The following ASTN2 variants were observed in gnomAD, a reference collection of about 807,000 sequenced individuals.
ASTN2 encodes astrotactin-2.
A neutral mutation model predicts 139.8 loss-of-function variants in ASTN2; 54 were observed. That is an observed-to-expected ratio of 0.39 (90% CI 0.31 to 0.48). The LOEUF (loss-of-function observed/expected upper bound fraction) is 0.48. ASTN2 is among the 20% of genes least tolerant of loss of function. ASTN2 has a pLI of 0.95. For missense variants in ASTN2, 1,565 were observed against 1,725.1 expected (o/e 0.91, Z 1.64); for synonymous variants, 756 against 719.5 (o/e 1.05, Z -0.81).
At chr9:116,563,707 A>G (rs1227444620) in intron 19 of ASTN2, among the ~76,000 whole-genome samples, 1 of 152,046 alleles carries the variant, frequency 6.6e-6, no homozygotes, top group African/African-American at 2.4e-5. Context: ...AATTATCAAC[A>G]TCTGATAAAA....
At position 117,016,637 on chromosome 9, in the gene ASTN2, TA is replaced by T. The variant is rs1564385947; in HGVS notation, c.1424-8379del. On this transcript the variant is annotated intron_variant, in intron 6 of 22. Coordinates refer to ENST00000313400, the MANE Select transcript of ASTN2 (RefSeq NM_001365068.1). ...ATATCTATCTATCTATATATATATA[TA>T]TATATATATATATATATAACCTATA... is the stretch of plus-strand genomic sequence containing the variant. Among the ~76,000 whole-genome samples, 114 of 23,014 alleles carry T rather than the reference TA, an allele frequency of 5.0e-3. 12 individuals carry two copies. Among genetic ancestry groups the T allele is most frequent in the Admixed American group, 0.01 (16 of 1,550 alleles). The allele number at this position is 23,014 out of a possible 152,430, so 15.1% of individuals were successfully genotyped here.
chr9:117,200,072 TTA>T (rs1831652540), intron 3 of ASTN2, among the ~76,000 whole-genome samples: 1 of 150,272 alleles, frequency 6.7e-6, no homozygotes, highest in Non-Finnish European at 1.5e-5. Flanking sequence ...TTTATTATTA[TTA>T]TTTTTTAAAT....
intron 16 of ASTN2, among the ~76,000 whole-genome samples, chr9:116,696,761 T>C (rs1860875652): frequency 6.6e-6 from 1 of 152,160 alleles, no homozygotes; most frequent in South Asian, 2.1e-4. Flanking sequence ...CTCTTGTATC[T>C]AGTACAGAAC....
chr9:116,621,495 T>A (rs1173437915), intron 17 of ASTN2, among the ~76,000 whole-genome samples: 3 of 152,044 alleles, frequency 2.0e-5, no homozygotes, highest in Non-Finnish European at 4.4e-5. Context: ...TATTCCCCTC[T>A]CTGCACTCCA....
intron 19 of ASTN2, among the ~76,000 whole-genome samples, chr9:116,538,342 G>A (rs542471505): frequency 3.9e-5 from 6 of 152,108 alleles, no homozygotes; most frequent in Non-Finnish European, 7.4e-5. Context: ...GGAAAGAAGC[G>A]AGGAAGAAAG....
At chr9:116,691,810 T>G (rs548061497) in intron 16 of ASTN2, among the ~76,000 whole-genome samples, 1 of 152,320 alleles carries the variant, frequency 6.6e-6, no homozygotes, top group South Asian at 2.1e-4. Flanking sequence ...AGTGATAGTT[T>G]TGCACTTGAT....
At chr9:116,487,308 T>C in intron 20 of ASTN2, 51 bp downstream of exon 20, 1 of 1,603,244 alleles carries the variant, frequency 6.2e-7, no homozygotes, top group African/African-American at 1.3e-5. Flanking sequence ...CCTCTTAGGC[T>C]TAAAATCATC....
At chr9:116,704,478 T>G (rs2840224) in intron 16 of ASTN2, among the ~76,000 whole-genome samples, 635 of 152,332 alleles carry the variant, frequency 4.2e-3, no homozygotes, top group Non-Finnish European at 7.2e-3. Flanking sequence ...AATGACAGTT[T>G]ATGTTTTAAA....
At position 117,081,810 on chromosome 9, in the gene ASTN2, C is replaced by A. The variant is rs186659608; in HGVS notation, c.1276+14234G>T. On this transcript the variant is annotated intron_variant, in intron 5 of 22. Transcript: ENST00000313400. Reference sequence around the variant, plus strand: ...CAGAGCGGCCTCTAAAATCTGAGAACGGTCCCTGCTGACAGCTGGCAGGAA... The same window carrying A: ...CAGAGCGGCCTCTAAAATCTGAGAAAGGTCCCTGCTGACAGCTGGCAGGAA... Among the ~76,000 whole-genome samples the A allele has an allele frequency of 1.1e-4, 16 of 152,264 alleles. No homozygotes were observed. In the East Asian group the frequency reaches 2.5e-3, roughly 24 times the overall value.
rs141263275 is a variant in ASTN2 at position 117,372,100 on chromosome 9, G to A, written c.442+42397C>T. ...TAGATACTGATATTTCTAGTGCCTT[G>A]TTGAGCATCCTCAATATAGAAGCTG... On this transcript the variant is annotated intron_variant, in intron 1 of 22. Transcript: ENST00000313400. 7.3e-3 allele frequency among the ~76,000 whole-genome samples: 1,118 copies of A among 152,202 alleles called. 27 individuals carry two copies. The South Asian group carries it at 0.083, about 11-fold the overall frequency.
At chr9:116,852,664 A>G (rs536142277) in intron 11 of ASTN2, among the ~76,000 whole-genome samples, 20 of 152,260 alleles carry the variant, frequency 1.3e-4, no homozygotes, top group Admixed American at 1.2e-3. Flanking sequence ...TATTTGTAAA[A>G]TTTAATAACA....
chr9:116,436,413 T>G (rs1378268181), intron 22 of ASTN2, among the ~76,000 whole-genome samples: 2 of 152,198 alleles, frequency 1.3e-5, no homozygotes, highest in Non-Finnish European at 2.9e-5. Context: ...TTTAGTCATC[T>G]GGTCCACACA....
At chr9:117,048,300 C>T (rs913500636) in intron 5 of ASTN2, among the ~76,000 whole-genome samples, 5 of 152,186 alleles carry the variant, frequency 3.3e-5, no homozygotes, top group Non-Finnish European at 7.3e-5. Context: ...CTCCCCATCA[C>T]AAGGACAAAG....
chr9:117,094,511 G>A (rs893761841), intron 5 of ASTN2, among the ~76,000 whole-genome samples: 2 of 152,104 alleles, frequency 1.3e-5, no homozygotes, highest in African/African-American at 2.4e-5. Flanking sequence ...ATCATCAATC[G>A]TCAACTTCTA....
At chr9:116,789,121 G>C (rs932089230) in intron 13 of ASTN2, among the ~76,000 whole-genome samples, 6 of 152,112 alleles carry the variant, frequency 3.9e-5, no homozygotes, top group African/African-American at 1.4e-4. Context: ...AACTTACAGG[G>C]ATATCCTTTA....
intron 10 of ASTN2, among the ~76,000 whole-genome samples, chr9:116,967,733 C>T (rs55979803): frequency 0.057 from 8,750 of 152,236 alleles, 397 homozygotes; most frequent in African/African-American, 0.13. Context: ...GGCCTTCCCC[C>T]CATACTCTGC....
chr9:116,924,269 A>T (rs867691934), intron 10 of ASTN2, among the ~76,000 whole-genome samples: 4,670 of 151,118 alleles, frequency 0.031, 223 homozygotes, highest in African/African-American at 0.097. Context: ...AAAAAAAAAA[A>T]AAAAAAAAAA....
chr9:117,257,391 GA>G (rs1433396543), intron 2 of ASTN2, among the ~76,000 whole-genome samples: 1 of 152,180 alleles, frequency 6.6e-6, no homozygotes, highest in Non-Finnish European at 1.5e-5. Flanking sequence ...TAGAAACTGT[GA>G]ACACAGATTT....
At chr9:116,797,890 T>C (rs1280649319) in intron 13 of ASTN2, among the ~76,000 whole-genome samples, 3 of 152,196 alleles carry the variant, frequency 2.0e-5, no homozygotes, top group African/African-American at 4.8e-5. Context: ...AGACTGAGCA[T>C]TGAAGGACTG....
Sources: gnomAD v4.1 joint callset for allele counts (sites outside exome capture counted in the v4.1 genomes callset) on GRCh38, gnomAD v4.1.1 for gene constraint, MANE v1.5 for transcripts, NCBI Gene and HGNC (gene_info 2026-07-23, HGNC 2026-07-21) for gene names.